Variants in SLC12A7 observed in about 807,000 individuals in gnomAD.
SLC12A7 encodes solute carrier family 12 member 7.
In SLC12A7, 100 loss-of-function variants were observed where a neutral mutation model predicts 120.6. The ratio of observed to expected loss-of-function variants is 0.83; its 90% CI spans 0.71 to 0.98. The LOEUF is 0.98. SLC12A7 is among the 50% of genes least tolerant of loss of function. The probability of loss-of-function intolerance (pLI) is 0.00; values close to 1 mark genes in which losing one functional copy is unlikely to be tolerated. For missense variants in SLC12A7, 1,373 were observed against 1,548.1 expected (o/e 0.89, Z 1.90); for synonymous variants, 760 against 678.0 (o/e 1.12, Z -1.88).
At position 1,093,626 on chromosome 5, in the gene SLC12A7, G is replaced by A; in HGVS notation, c.249C>T (p.Ser83=). The change falls in exon 3 of 24, where the codon TCC becomes TCT. Residue 83 remains serine, a synonymous_variant. Coordinates refer to ENST00000264930, the MANE Select transcript of SLC12A7 (RefSeq NM_006598.3). ...AGTTGGCCAGCTTGTTGAGCAGCGAGGACACCATGGGGTTACTGTCCATCT... is the reference window on the plus strand; with the variant it reads ...AGTTGGCCAGCTTGTTGAGCAGCGAAGACACCATGGGGTTACTGTCCATCT... ...EEEMDSNPMV[S]SLLNKLANYT... 1 of 1,613,168 alleles carries A rather than the reference G, an allele frequency of 6.2e-7. No homozygotes were observed. The highest frequency in any genetic ancestry group is 8.5e-7 in the Non-Finnish European group (1 of 1,179,886).
At chr5:1,058,000 ACACGACCAGCACG>A (rs146930484) in intron 21 of SLC12A7, among the ~76,000 whole-genome samples, 57,005 of 152,040 alleles carry the variant, frequency 0.37, 12,473 homozygotes, top group East Asian at 0.58. Context: ...CTGCTCGCCC[ACACGACCAGCACG>A]CAGGCGTCCC....
chr5:1,078,031 CG>C lies in SLC12A7; in HGVS notation c.1455-25del, dbSNP rs774681271. 59 of 1,538,374 alleles carry C rather than the reference CG, an allele frequency of 3.8e-5. No individual in the cohort carries two copies. In the Middle Eastern group the frequency reaches 1.4e-3, roughly 35 times the overall value. On this transcript the variant is annotated intron_variant, in intron 11 of 23. Transcript: ENST00000264930. ...ACCTGCAGGCAGGCGGGCAGGCGGGCGGGCGGCTTTCAGAAGTGAGCCTGAG... is the reference window on the plus strand; with the variant it reads ...ACCTGCAGGCAGGCGGGCAGGCGGGCGGCGGCTTTCAGAAGTGAGCCTGAG...
At chr5:1,093,845 G>A (rs865932460) in intron 2 of SLC12A7, among the ~76,000 whole-genome samples, 190 bp from the exon 3 acceptor site, 3 of 152,218 alleles carry the variant, frequency 2.0e-5, no homozygotes, top group Admixed American at 6.5e-5. Context: ...AGGCCTCACT[G>A]AGTGGGGCCA....
the SLC12A7 span, among the ~76,000 whole-genome samples, chr5:1,149,404 G>A: frequency 1.2e-4 from 18 of 150,600 alleles, no homozygotes; most frequent in Admixed American, 7.9e-4. Flanking sequence ...TGGCGAAACC[G>A]CATCTCTACT....
Position 1,089,506 on chromosome 5 carries a change from A to G in SLC12A7, c.343-378T>C, listed in dbSNP as rs1189652658. ...GGCCTGAGATCTGACACCCTGGGAGAGCCTGAGACTTCAGGAATGGAAGCA... is the reference window on the plus strand; with the variant it reads ...GGCCTGAGATCTGACACCCTGGGAGGGCCTGAGACTTCAGGAATGGAAGCA... On this transcript the variant is annotated intron_variant, in intron 3 of 23. Coordinates refer to ENST00000264930, the MANE Select transcript of SLC12A7 (RefSeq NM_006598.3). 4.7e-5 allele frequency among the ~76,000 whole-genome samples: 7 copies of G among 150,244 alleles called. No homozygotes were observed. The Admixed American group carries it at 4.7e-4, about 10-fold the overall frequency.
chr5:1,145,041 C>G, the SLC12A7 span, among the ~76,000 whole-genome samples: 2 of 152,266 alleles, frequency 1.3e-5, no homozygotes, highest in Non-Finnish European at 1.5e-5. This position sits in a 1 kb window ranked among gnomAD's most constrained non-coding sequence, Gnocchi z 4.4. Flanking sequence ...GGAGCATGTG[C>G]TGTCGGCACG....
chr5:1,097,783 G>A (rs937804120), intron 1 of SLC12A7, among the ~76,000 whole-genome samples: 16 of 152,144 alleles, frequency 1.1e-4, no homozygotes, highest in African/African-American at 3.9e-4. Flanking sequence ...CCAGCATGTT[G>A]TCACCAAAAG....
rs1293936078 is a variant in SLC12A7, at chr5:1,077,885, G to A, written c.1577C>T (p.Ala526Val). ...GGCAATGGCCTGCAGTAGGCGCGGT[G>A]CCCCCGTGAGGCTCTGCAGGCCGGC... ...CGAGLQSLTG[A>V]PRLLQAIARD... The change falls in exon 12 of 24, where the codon GCA becomes GTA. Residue 526 changes from alanine to valine, a missense_variant. Transcript: ENST00000264930. 2 of 1,598,084 alleles carry A rather than the reference G, an allele frequency of 1.3e-6. No individual in the cohort carries two copies. The highest frequency in any genetic ancestry group is 1.7e-5 in the Admixed American group (1 of 58,174).
chr5:1,096,606 T>G (rs1258557553), intron 1 of SLC12A7, among the ~76,000 whole-genome samples: 1 of 148,856 alleles, frequency 6.7e-6, no homozygotes, highest in East Asian at 2.0e-4. Context: ...GGCGACACTT[T>G]CTGGAGTCAA....
chr5:1,073,412 G>A (rs918092035), intron 17 of SLC12A7, among the ~76,000 whole-genome samples: 1 of 152,240 alleles, frequency 6.6e-6, no homozygotes, highest in African/African-American at 2.4e-5. Flanking sequence ...TTCGCCCTTG[G>A]AAAGCTAATG....
chr5:1,141,263 T>C, the SLC12A7 span, among the ~76,000 whole-genome samples: 1 of 152,352 alleles, frequency 6.6e-6, no homozygotes, highest in South Asian at 2.1e-4. Context: ...ACCCGTTATA[T>C]TGAATTAGGA....
At chr5:1,079,102 CCCCGCGGG>C (rs1738701510) in intron 10 of SLC12A7, among the ~76,000 whole-genome samples, 1 of 152,158 alleles carries the variant, frequency 6.6e-6, no homozygotes, top group Non-Finnish European at 1.5e-5. Context: ...AAGCCAGAGG[CCCCGCGGG>C]CCCAGCCTGC....
chr5:1,084,780 C>A (rs1053420816), intron 7 of SLC12A7, among the ~76,000 whole-genome samples: 1 of 152,158 alleles, frequency 6.6e-6, no homozygotes, highest in South Asian at 2.1e-4. Flanking sequence ...TCCCTGCGGG[C>A]TCTGGTGGCC....
At chr5:1,056,607 GA>G (rs1450674660) in intron 22 of SLC12A7, 10 of 984,918 alleles carry the variant, frequency 1.0e-5, no homozygotes, top group Non-Finnish European at 1.2e-5. Flanking sequence ...CTATGCAGGA[GA>G]AAAAAACAAG....
rs985831208 is a variant in SLC12A7, at chr5:1,088,876, C to T, written c.489+106G>A. Reference sequence around the variant, plus strand: ...GCCCTACTGTCCGGCTGCCACCGCCCGAAGGCACAACCACAGCGGCCAGGG... The same window carrying T: ...GCCCTACTGTCCGGCTGCCACCGCCTGAAGGCACAACCACAGCGGCCAGGG... On this transcript the variant is annotated intron_variant, in intron 4 of 23. Coordinates refer to ENST00000264930, the MANE Select transcript of SLC12A7 (RefSeq NM_006598.3). The T allele has an allele frequency of 1.2e-5, 18 of 1,471,990 alleles. No individual in the cohort carries two copies. In the Middle Eastern group the frequency reaches 9.3e-4, roughly 76 times the overall value. The allele number at this position is 1,471,990 out of a possible 1,614,324, so 91.2% of individuals were successfully genotyped here. A position where few individuals can be genotyped will look rare whatever the true frequency, so the allele number is the denominator to read the frequency against.
At chr5:1,099,872 G>A (rs1441890178) in intron 1 of SLC12A7, among the ~76,000 whole-genome samples, 2 of 152,230 alleles carry the variant, frequency 1.3e-5, no homozygotes, top group Non-Finnish European at 1.5e-5. Context: ...CCCCTCCGGC[G>A]GGTGTACGGG....
intron 1 of SLC12A7, among the ~76,000 whole-genome samples, chr5:1,101,565 G>A (rs898287206): frequency 7.2e-5 from 11 of 152,364 alleles, no homozygotes; most frequent in Middle Eastern, 3.4e-3. Flanking sequence ...TGAAGGCGGC[G>A]AGGTCAAGCC....
chr5:1,144,310 C>T, the SLC12A7 span, among the ~76,000 whole-genome samples: 3 of 152,358 alleles, frequency 2.0e-5, no homozygotes, highest in South Asian at 4.1e-4. Flanking sequence ...CCGGGCTCCA[C>T]GCCAGGGCCT....
At chr5:1,067,238 C>G (rs115370366) in intron 17 of SLC12A7, among the ~76,000 whole-genome samples, 162 of 152,354 alleles carry the variant, frequency 1.1e-3, no homozygotes, top group African/African-American at 3.6e-3. Flanking sequence ...CAGGAAAGGC[C>G]TGAACACGTT....
Sources: allele counts gnomAD v4.1 joint callset (sites outside exome capture counted in the v4.1 genomes callset), GRCh38; gene constraint gnomAD v4.1.1; non-coding constraint Gnocchi (gnomAD v3.1); transcripts MANE v1.5; gene names NCBI Gene and HGNC (gene_info 2026-07-23, HGNC 2026-07-21).